LPXN: variants seen among roughly 807,000 people sequenced by gnomAD.
The protein encoded by LPXN is leupaxin.
LPXN carries 28 observed loss-of-function variants against 45.6 expected under a neutral mutation model. That is an observed-to-expected ratio of 0.61 (90% CI 0.45 to 0.84). LPXN has a LOEUF of 0.84. Among genes scored for constraint, LPXN ranks in the 40% least tolerant of loss-of-function variants. LPXN has a pLI of 0.00. For missense variants in LPXN, 459 were observed against 475.0 expected (o/e 0.97, Z 0.31); for synonymous variants, 166 against 169.9 (o/e 0.98, Z 0.18).
At chr11:58,557,773 C>T (rs530549156) in intron 3 of LPXN, among the ~76,000 whole-genome samples, 4 of 152,220 alleles carry the variant, frequency 2.6e-5, no homozygotes, top group African/African-American at 9.6e-5. Flanking sequence ...ATTTGCCTCA[C>T]TATAGTAACC....
intron 5 of LPXN, 63 bp from the exon 6 acceptor site, chr11:58,550,209 C>T: frequency 2.0e-6 from 3 of 1,508,468 alleles, no homozygotes; most frequent in Non-Finnish European, 2.8e-6. Flanking sequence ...CTACAGGTTG[C>T]ACAACTCTAG....
intron 7 of LPXN, among the ~76,000 whole-genome samples, chr11:58,531,601 T>C (rs1000875937): frequency 5.9e-5 from 9 of 152,058 alleles, no homozygotes; most frequent in Non-Finnish European, 1.3e-4. Flanking sequence ...CTGAAAGTTA[T>C]GGGGAGAATG....
chr11:58,554,593 A>G (rs1854147510), intron 4 of LPXN, among the ~76,000 whole-genome samples: 1 of 151,992 alleles, frequency 6.6e-6, no homozygotes, highest in Non-Finnish European at 1.5e-5. Flanking sequence ...TGCCAAGCAC[A>G]CTCCAGCTCC....
upstream of LPXN, among the ~76,000 whole-genome samples, chr11:58,576,487 A>C (rs911117875): frequency 4.6e-5 from 7 of 152,324 alleles, 2 homozygotes; most frequent in Admixed American, 6.5e-5. Context: ...ATCCCTGCCT[A>C]GATACACTGC....
At chr11:58,568,828 A>C (rs1854596982) in intron 2 of LPXN, among the ~76,000 whole-genome samples, 1 of 152,204 alleles carries the variant, frequency 6.6e-6, no homozygotes, top group Admixed American at 6.5e-5. Context: ...AAACCAGGAT[A>C]TATGGTCACC....
intron 2 of LPXN, among the ~76,000 whole-genome samples, chr11:58,569,986 T>A (rs1467531635): frequency 6.6e-6 from 1 of 152,104 alleles, no homozygotes; most frequent in Non-Finnish European, 1.5e-5. Context: ...ATACTCTGCC[T>A]GTGACCATGT....
At chr11:58,531,096 G>A (rs994576420) in intron 7 of LPXN, among the ~76,000 whole-genome samples, 3 of 152,166 alleles carry the variant, frequency 2.0e-5, no homozygotes, top group African/African-American at 7.2e-5. Context: ...AGAAGATGGG[G>A]AGAAACCAAT....
At position 58,527,704 on chromosome 11, in the gene LPXN, G is replaced by C. The variant is rs144158899; in HGVS notation, c.911C>G (p.Ser304Cys). Residue 304 changes from serine (S) to cysteine (C), a missense_variant, in exon 9 of 9, where the codon TCT becomes TGT. Coordinates refer to ENST00000395074, the MANE Select transcript of LPXN (RefSeq NM_004811.3). ...ATCCAGTTCAAAGAAGGAGCCAGTA[G>C]AAAAACTGGTGAAGCAGTCCTGGGG... ...FVCGDCFTSF[S>C]TGSFFELDGR... is the part of the protein sequence containing the mutation. 2.3e-4 allele frequency: 364 copies of C among 1,614,040 alleles called. No homozygotes were observed. The highest frequency in any genetic ancestry group is 2.9e-4 in the Non-Finnish European group (337 of 1,179,986).
rs752282529 is a variant in LPXN, at chr11:58,551,120, A to G, written c.431T>C (p.Ile144Thr). Reference sequence around the variant, plus strand: ...ACAATGGCCCTTGGGCACTGTGGCAATGCCAAGGTCCTGCAATTCCTGCTC... The same window carrying G: ...ACAATGGCCCTTGGGCACTGTGGCAGTGCCAAGGTCCTGCAATTCCTGCTC... ...GLEQELQDLG[I>T]ATVPKGHCAS... The change falls in exon 5 of 9, where the codon ATT (isoleucine) becomes ACT (threonine). Residue 144 changes from isoleucine (I) to threonine (T), a missense_variant. Ile to Thr is a moderately conservative substitution (Grantham distance 89). Transcript: ENST00000395074. 1.9e-6 allele frequency: 3 copies of G among 1,608,888 alleles called. No homozygotes were observed. The highest frequency in any genetic ancestry group is 2.5e-6 in the Non-Finnish European group (3 of 1,177,628).
intron 2 of LPXN, 32 bp from the exon 3 acceptor site, chr11:58,564,233 A>C (rs376041896): frequency 2.0e-6 from 3 of 1,517,378 alleles, no homozygotes; most frequent in Non-Finnish European, 2.7e-6. Flanking sequence ...AGAAGAGCAA[A>C]GAATAAATTT....
upstream of LPXN, among the ~76,000 whole-genome samples, chr11:58,578,680 T>C (rs7124107): frequency 0.18 from 27,214 of 151,916 alleles, 2,730 homozygotes; most frequent in Middle Eastern, 0.25. Flanking sequence ...TAAAGAAGAA[T>C]AGAAAGAGCC....
chr11:58,554,061 C>G (rs555637299), intron 4 of LPXN: 1 of 152,762 alleles, frequency 6.5e-6, no homozygotes, highest in South Asian at 2.1e-4. Flanking sequence ...CCTGTAATCC[C>G]AGCACTTTGG....
At chr11:58,569,002 A>T (rs1357496463) in intron 2 of LPXN, among the ~76,000 whole-genome samples, 1 of 152,216 alleles carries the variant, frequency 6.6e-6, no homozygotes, top group Non-Finnish European at 1.5e-5. Context: ...ACCACTTAGG[A>T]GCCTACAGCT....
upstream of LPXN, among the ~76,000 whole-genome samples, chr11:58,578,444 C>A (rs933674142): frequency 6.6e-6 from 1 of 152,270 alleles, no homozygotes; most frequent in South Asian, 2.1e-4. Context: ...CGCCAAGAGG[C>A]GGGCCCTCGT....
At chr11:58,577,896 C>G, upstream of LPXN, 1 of 1,138,378 alleles carries the variant, frequency 8.8e-7, no homozygotes, top group South Asian at 1.6e-5. Flanking sequence ...ATTCGTTTCA[C>G]AGATTTGATT....
chr11:58,547,958 T>TA lies in LPXN; in HGVS notation c.742+1827dup, dbSNP rs548423434. ...CAAAACAAACATAAAAAGGAGAAAT[T>TA]AAAAAAAACAAGACAATTCAGAAAA... On this transcript the variant is annotated intron_variant, in intron 7 of 8. Coordinates refer to ENST00000395074, the MANE Select transcript of LPXN (RefSeq NM_004811.3). Among the ~76,000 whole-genome samples the TA allele has an allele frequency of 6.6e-4, 100 of 150,736 alleles. No individual in the cohort carries two copies. The East Asian group carries it at 0.012, about 19-fold the overall frequency.
upstream of LPXN, chr11:58,578,273 A>C: frequency 2.1e-6 from 1 of 473,582 alleles, no homozygotes; most frequent in Non-Finnish European, 3.8e-6. Flanking sequence ...AAAAAAGGTA[A>C]ACTCTAGACT....
At chr11:58,577,176 G>A (rs1376158429), upstream of LPXN, among the ~76,000 whole-genome samples, 1 of 151,578 alleles carries the variant, frequency 6.6e-6, no homozygotes, top group Non-Finnish European at 1.5e-5. Flanking sequence ...TTCCTCCTCT[G>A]TATTACTTTG....
chr11:58,536,562 G>T (rs570241325), intron 7 of LPXN, among the ~76,000 whole-genome samples: 1 of 152,114 alleles, frequency 6.6e-6, no homozygotes. Flanking sequence ...ATTCCTAGAA[G>T]AAAACCTAGG....
Sources: allele counts gnomAD v4.1 joint callset (sites outside exome capture counted in the v4.1 genomes callset), GRCh38; gene constraint gnomAD v4.1.1; transcripts MANE v1.5; gene names NCBI Gene and HGNC (gene_info 2026-07-23, HGNC 2026-07-21).